The following DPF3 variants were observed in gnomAD, a reference collection of about 807,000 sequenced individuals.
DPF3 encodes zinc finger protein DPF3.
In DPF3, 18 loss-of-function variants were observed where a neutral mutation model predicts 56.8. The observed-to-expected ratio is 0.32, with a 90% CI of 0.22 to 0.47. The LOEUF (loss-of-function observed/expected upper bound fraction) is 0.47, where lower values mean the gene tolerates loss of function less well. Among genes scored for constraint, DPF3 ranks in the 20% least tolerant of loss-of-function variants. The probability of loss-of-function intolerance (pLI) is 1.00; values close to 1 mark genes in which losing one functional copy is unlikely to be tolerated. For missense variants in DPF3, 403 were observed against 488.8 expected (o/e 0.82, Z 1.65); for synonymous variants, 188 against 180.2 (o/e 1.04, Z -0.35).
intron 5 of DPF3, among the ~76,000 whole-genome samples, chr14:72,718,754 T>TG (rs1359803399): frequency 1.5e-5 from 2 of 136,038 alleles, no homozygotes; most frequent in African/African-American, 2.6e-5. Flanking sequence ...TGAGAACCAC[T>TG]GCTCTACACC....
intron 1 of DPF3, among the ~76,000 whole-genome samples, chr14:72,800,767 TGC>T (rs1892861095): frequency 1.3e-5 from 2 of 151,844 alleles, no homozygotes; most frequent in Non-Finnish European, 2.9e-5. Flanking sequence ...CATGGGTGGA[TGC>T]ATGAGTGGAT....
intron 8 of DPF3, among the ~76,000 whole-genome samples, chr14:72,631,699 A>G (rs927623002): frequency 3.3e-5 from 5 of 152,258 alleles, no homozygotes; most frequent in African/African-American, 1.2e-4. Flanking sequence ...TGCTAGACAG[A>G]AAAGACACAG....
intron 1 of DPF3, among the ~76,000 whole-genome samples, chr14:72,836,722 A>G (rs556509771): frequency 6.6e-6 from 1 of 152,160 alleles, no homozygotes; most frequent in South Asian, 2.1e-4. Flanking sequence ...AGCTCTCAGG[A>G]TGAAGAAAAT....
intron 8 of DPF3, chr14:72,661,280 A>G (rs1886200304): frequency 1.0e-6 from 1 of 985,232 alleles, no homozygotes; most frequent in Admixed American, 6.2e-5. Context: ...CCCTCCACCA[A>G]CAGGACTGGC....
In DPF3 at chr14:72,814,005, C is replaced by T. The variant is rs138447701; in HGVS notation, c.33-42112G>A. 7.8e-3 allele frequency among the ~76,000 whole-genome samples: 1,180 copies of T among 152,254 alleles called. 9 individuals are homozygous for T. The highest frequency in any genetic ancestry group is 0.013 in the Non-Finnish European group (912 of 68,016). ...GCCCAGTACATGGTTTCTTGTCCAC[C>T]CCACCCACCTTTCCCCATCTCTACC... On this transcript the variant is annotated intron_variant, in intron 1 of 10. Transcript: ENST00000556509.
At chr14:72,625,798 A>C (rs755780593) in intron 9 of DPF3, among the ~76,000 whole-genome samples, 14 of 152,218 alleles carry the variant, frequency 9.2e-5, no homozygotes, top group Admixed American at 4.6e-4. Flanking sequence ...CCACTATTCC[A>C]AACCAATGCC....
At chr14:72,680,259 G>A (rs1390061847) in intron 7 of DPF3, among the ~76,000 whole-genome samples, 1 of 152,200 alleles carries the variant, frequency 6.6e-6, no homozygotes, top group Non-Finnish European at 1.5e-5. Flanking sequence ...TTTTTTCACT[G>A]CTTCCCTAGA....
chr14:72,769,853 G>A (rs1051070139), intron 2 of DPF3, among the ~76,000 whole-genome samples: 4 of 152,038 alleles, frequency 2.6e-5, no homozygotes, highest in East Asian at 1.9e-4. Flanking sequence ...TATATTGATC[G>A]TCTTTGGAGA....
intron 3 of DPF3, among the ~76,000 whole-genome samples, chr14:72,748,089 G>T (rs1867592375): frequency 6.6e-6 from 1 of 152,342 alleles, no homozygotes; most frequent in South Asian, 2.1e-4. Flanking sequence ...GGAAAAGTTT[G>T]GACGGCTCAG....
At position 72,614,044 on chromosome 14, in the gene DPF3, A is replaced by G. The variant is rs1883922987; in HGVS notation, c.*5253T>C. On this transcript the variant is annotated 3_prime_UTR_variant, in exon 11 of 11. Transcript: ENST00000556509. ...CCAGCCTCCCTAGGAAGGGGTTCCCAGCTCTCCAAGACCCACCACCAGCTG... is the reference window on the plus strand; with the variant it reads ...CCAGCCTCCCTAGGAAGGGGTTCCCGGCTCTCCAAGACCCACCACCAGCTG... Among the ~76,000 whole-genome samples the G allele has an allele frequency of 6.6e-6, 1 of 151,900 alleles. No homozygotes were observed. Among genetic ancestry groups the G allele is most frequent in the African/African-American group, 2.4e-5 (1 of 41,316 alleles).
rs757096007 is a variant in DPF3, at chr14:72,866,653, T to G, written c.32+27404A>C. On this transcript the variant is annotated intron_variant, in intron 1 of 10. Transcript: ENST00000556509. ...GGGCGGATCACCTGAGGTTGGGAGT[T>G]TGAAACCAGCCTGACCAACACGAAG... Among the ~76,000 whole-genome samples, 15 of 150,582 alleles carry G rather than the reference T, an allele frequency of 1.0e-4. 1 individual carries two copies. Among genetic ancestry groups the G allele is most frequent in the Admixed American group, 2.0e-4 (3 of 15,172 alleles).
intron 1 of DPF3, among the ~76,000 whole-genome samples, chr14:72,813,446 C>T (rs866096313): frequency 1.3e-5 from 2 of 152,336 alleles, no homozygotes; most frequent in South Asian, 2.1e-4. Flanking sequence ...AAAAGCTTTG[C>T]AAACTCTGAC....
chr14:72,777,794 T>C (rs553354165), intron 1 of DPF3, among the ~76,000 whole-genome samples: 4 of 152,298 alleles, frequency 2.6e-5, no homozygotes, highest in Non-Finnish European at 5.9e-5. Flanking sequence ...CTTTGCCTTC[T>C]GCCATGATTG....
intron 1 of DPF3, among the ~76,000 whole-genome samples, chr14:72,812,025 A>G (rs1883068135): frequency 6.6e-6 from 1 of 152,082 alleles, no homozygotes; most frequent in Non-Finnish European, 1.5e-5. Context: ...GCCTCCTTCA[A>G]ACAGAAGCCC....
intron 2 of DPF3, among the ~76,000 whole-genome samples, chr14:72,756,350 T>C (rs189314967): frequency 1.5e-3 from 221 of 152,280 alleles, no homozygotes; most frequent in Middle Eastern, 6.8e-3. Context: ...TCCATGGAAA[T>C]ACCTGGCATT....
chr14:72,884,623 C>T lies in DPF3; in HGVS notation c.32+9434G>A, dbSNP rs555125009. Among the ~76,000 whole-genome samples the T allele has an allele frequency of 1.6e-4, 24 of 151,854 alleles. No individual in the cohort carries two copies. The East Asian group carries it at 4.3e-3, about 27-fold the overall frequency. Reference sequence around the variant, plus strand: ...GACAGGCCTGACTTGCTAACTCCTGCCCCCCAAGCTATCCTGTCATCACCG... The same window carrying T: ...GACAGGCCTGACTTGCTAACTCCTGTCCCCCAAGCTATCCTGTCATCACCG... On this transcript the variant is annotated intron_variant, in intron 1 of 10. Coordinates refer to ENST00000556509, the MANE Select transcript of DPF3 (RefSeq NM_001280542.3).
intron 1 of DPF3, among the ~76,000 whole-genome samples, chr14:72,884,636 C>T (rs1013801495): frequency 6.6e-6 from 1 of 151,844 alleles, no homozygotes; most frequent in Non-Finnish European, 1.5e-5. Context: ...CCCAAGCTAT[C>T]CTGTCATCAC....
intron 3 of DPF3, among the ~76,000 whole-genome samples, chr14:72,737,321 C>A (rs142912678): frequency 1.7e-4 from 26 of 152,232 alleles, no homozygotes; most frequent in Non-Finnish European, 3.5e-4. Flanking sequence ...AAGCCACAAG[C>A]TTTTGACACA....
At chr14:72,707,962 TA>T in intron 6 of DPF3, among the ~76,000 whole-genome samples, 1 of 152,168 alleles carries the variant, frequency 6.6e-6, no homozygotes, top group Admixed American at 6.5e-5. Context: ...AAAGTTATTT[TA>T]AAAAAATAAT....
Sources: allele counts gnomAD v4.1 joint callset (sites outside exome capture counted in the v4.1 genomes callset), GRCh38; gene constraint gnomAD v4.1.1; transcripts MANE v1.5; gene names NCBI Gene and HGNC (gene_info 2026-07-23, HGNC 2026-07-21).